CR1: variants seen among roughly 807,000 people sequenced by gnomAD.
CR1 encodes complement C3b/C4b receptor 1 (Knops blood group).
A neutral mutation model predicts 187.3 loss-of-function variants in CR1; 116 were observed. The ratio of observed to expected loss-of-function variants is 0.62; its 90% CI spans 0.53 to 0.72. CR1 has a LOEUF of 0.72. Ranked by LOEUF, CR1 falls within the 30% of genes least tolerant of loss-of-function variation. The probability of loss-of-function intolerance (pLI) is 0.00; values close to 1 mark genes in which losing one functional copy is unlikely to be tolerated. For synonymous variants in CR1, 576 were observed against 747.1 expected (o/e 0.77, Z 3.73); for missense variants, 1,731 against 2,110.7 (o/e 0.82, Z 3.52).
chr1:207,632,480 T>G (rs2102416377), intron 46 of CR1, among the ~76,000 whole-genome samples: 1 of 152,312 alleles, frequency 6.6e-6, no homozygotes, highest in East Asian at 1.9e-4. Flanking sequence ...AAATAAATAA[T>G]GCAGGAAGTT....
chr1:207,574,549 G>C (rs1660675928), intron 27 of CR1, among the ~76,000 whole-genome samples: 1 of 151,952 alleles, frequency 6.6e-6, no homozygotes, highest in Non-Finnish European at 1.5e-5. Context: ...TAGGATATTG[G>C]TAAAAAGAAA....
At position 207,619,858 on chromosome 1, in the gene CR1, T is replaced by C. The variant is rs745571656; in HGVS notation, c.7067-22T>C. Reference sequence around the variant, plus strand: ...CAATCAACAATAAAATATCAATTTCTTTCTGATTTGTCTAATTTCAGAAGT... The same window carrying C: ...CAATCAACAATAAAATATCAATTTCCTTCTGATTTGTCTAATTTCAGAAGT... On this transcript the variant is annotated intron_variant, in intron 42 of 46. Transcript: ENST00000367049. 5.8e-6 allele frequency: 9 copies of C among 1,545,498 alleles called. No individual in the cohort carries two copies. In the South Asian group the frequency reaches 1.1e-4, roughly 19 times the overall value.
intron 4 of CR1, among the ~76,000 whole-genome samples, chr1:207,522,614 G>C (rs1404244909): frequency 6.6e-6 from 1 of 152,164 alleles, no homozygotes; most frequent in Admixed American, 6.5e-5. Context: ...TCACTAGTTT[G>C]TTAGCTTTCT....
intron 5 of CR1, among the ~76,000 whole-genome samples, chr1:207,525,213 C>G (rs1311897947): frequency 1.3e-5 from 2 of 151,922 alleles, no homozygotes; most frequent in African/African-American, 4.9e-5. Flanking sequence ...TTCTCCAACA[C>G]TGGGAATTAC....
chr1:207,516,481 C>T (rs1659811801), intron 4 of CR1, among the ~76,000 whole-genome samples: 1 of 152,124 alleles, frequency 6.6e-6, no homozygotes, highest in South Asian at 2.1e-4. Flanking sequence ...ATTCTTGGCC[C>T]TTTGCATTAC....
Position 207,609,463 on chromosome 1 carries a change from C to T in CR1, c.6070C>T (p.Gln2024Ter), listed in dbSNP as rs766431816. Residue 2024 changes from glutamine to a stop codon, truncating the protein, a stop_gained, in exon 37 of 47, where the codon CAA becomes TAA. Coordinates refer to ENST00000367049, the MANE Select transcript of CR1 (RefSeq NM_000651.6). LOFTEE classifies it high-confidence loss of function. ...AATATATTGCACCAGCAAAGATGAT[C>T]AAGTTGGTGTTTGGAGCAGCCCTCC... ...RSIYCTSKDD[Q>*]VGVWSSPPPR... The T allele has an allele frequency of 1.2e-6, 2 of 1,613,986 alleles. No homozygotes were observed. The highest frequency in any genetic ancestry group is 4.5e-5 in the East Asian group (2 of 44,884).
chr1:207,506,657 T>A, intron 2 of CR1, 57 bp from the exon 3 acceptor site: 1 of 1,459,662 alleles, frequency 6.9e-7, no homozygotes, highest in Non-Finnish European at 9.6e-7. Context: ...CCTTATGTAC[T>A]AAAAAAAGTT....
intron 35 of CR1, among the ~76,000 whole-genome samples, chr1:207,597,918 C>G (rs966929221): frequency 6.6e-6 from 1 of 152,138 alleles, no homozygotes; most frequent in Non-Finnish European, 1.5e-5. Context: ...TTCAGCTATA[C>G]AAAGGAATAG....
intron 37 of CR1, 61 bp downstream of exon 37, chr1:207,609,749 T>C: frequency 6.9e-7 from 1 of 1,458,408 alleles, no homozygotes; most frequent in African/African-American, 1.4e-5. Flanking sequence ...ATAGGAGTTG[T>C]TGAAATTAAG....
chr1:207,525,222 A>G (rs1660132414), intron 5 of CR1, among the ~76,000 whole-genome samples: 1 of 151,886 alleles, frequency 6.6e-6, no homozygotes, highest in African/African-American at 2.4e-5. Flanking sequence ...ACTGGGAATT[A>G]CCATTTGACA....
At chr1:207,621,074 G>A (rs1161167641) in intron 43 of CR1, among the ~76,000 whole-genome samples, 3 of 152,116 alleles carry the variant, frequency 2.0e-5, no homozygotes, top group African/African-American at 4.8e-5. Context: ...AGGAGTTTAA[G>A]ACCAGCCTGG....
intron 35 of CR1, among the ~76,000 whole-genome samples, chr1:207,601,751 G>A (rs182523163): frequency 1.7e-3 from 251 of 152,000 alleles, no homozygotes; most frequent in African/African-American, 5.2e-3. Flanking sequence ...TGTCCATTTC[G>A]TAATTGGGTT....
At chr1:207,510,996 AT>A (rs1437567883) in intron 3 of CR1, among the ~76,000 whole-genome samples, 1 of 151,342 alleles carries the variant, frequency 6.6e-6, no homozygotes, top group Non-Finnish European at 1.5e-5. Context: ...TTTTTTATAA[AT>A]TTTTTGTACA....
intron 34 of CR1, 43 bp from the exon 35 acceptor site, chr1:207,588,632 G>C (rs115880176): frequency 7.4e-7 from 1 of 1,353,958 alleles, no homozygotes; most frequent in South Asian, 1.2e-5. Context: ...ACAAAGGTAA[G>C]TTGAACTCTA....
chr1:207,604,654 A>G (rs1661695430), intron 35 of CR1, among the ~76,000 whole-genome samples: 1 of 152,144 alleles, frequency 6.6e-6, no homozygotes, highest in Non-Finnish European at 1.5e-5. Context: ...TGCTCTAGGG[A>G]TCTGTGTCTC....
At chr1:207,516,044 GTCTC>G (rs1394322339) in intron 4 of CR1, among the ~76,000 whole-genome samples, 1 of 151,938 alleles carries the variant, frequency 6.6e-6, no homozygotes, top group Non-Finnish European at 1.5e-5. Context: ...GTGAGACCCT[GTCTC>G]TACAAAAAAA....
intron 45 of CR1, among the ~76,000 whole-genome samples, chr1:207,624,356 G>A (rs1387103798): frequency 2.6e-5 from 4 of 152,188 alleles, no homozygotes; most frequent in Non-Finnish European, 5.9e-5. Flanking sequence ...CAACCTCAAT[G>A]AGGCCAGAAT....
chr1:207,565,962 C>T, intron 24 of CR1, 39 bp downstream of exon 24: 3 of 1,608,674 alleles, frequency 1.9e-6, no homozygotes, highest in Non-Finnish European at 2.5e-6. Flanking sequence ...AATCTCTCCC[C>T]TTCATCTGTT....
intron 45 of CR1, among the ~76,000 whole-genome samples, chr1:207,624,920 T>G (rs1302986871): frequency 6.6e-6 from 1 of 152,182 alleles, no homozygotes; most frequent in African/African-American, 2.4e-5. Context: ...GGGGAAATGA[T>G]TATCCCTTCT....
Sources: allele counts gnomAD v4.1 joint callset (sites outside exome capture counted in the v4.1 genomes callset), GRCh38; gene constraint gnomAD v4.1.1; transcripts MANE v1.5; gene names NCBI Gene and HGNC (gene_info 2026-07-23, HGNC 2026-07-21).